TBC1D24: variants seen among roughly 807,000 people sequenced by gnomAD.
TBC1D24 encodes the protein Infantile myoclonic epilepsy.
Under a neutral mutation model 50.7 loss-of-function variants are expected in TBC1D24, and 47 were observed. That is an observed-to-expected ratio of 0.93 (90% confidence interval 0.73 to 1.18). The LOEUF (loss-of-function observed/expected upper bound fraction) is 1.18. TBC1D24 is among the 50% of genes most tolerant of loss of function. TBC1D24 has a pLI of 0.00. For missense variants in TBC1D24, 688 were observed against 766.5 expected, an observed-to-expected ratio of 0.90 and a Z score of 1.21; for synonymous variants, 324 against 335.2, an observed-to-expected ratio of 0.97 and a Z score of 0.36.
chr16:2,485,693 G>A lies in TBC1D24; in HGVS notation c.-115-10341G>A, dbSNP rs751394260. ...AGCTATCTCCAGGTAGATGTCTCCC[G>A]GTGTCGGGATTGAATTGGAGGACAC... On this transcript the variant is annotated intron_variant, in intron 1 of 7. Coordinates refer to ENST00000646147, the MANE Select transcript of TBC1D24 (RefSeq NM_001199107.2). The surrounding 1 kb of genome is among the most constrained non-coding windows in gnomAD (Gnocchi z 4.6). 1.3e-5 allele frequency among the ~76,000 whole-genome samples: 2 copies of A among 152,196 alleles called. No homozygotes were observed. Among genetic ancestry groups the A allele is most frequent in the South Asian group, 2.1e-4 (1 of 4,836 alleles).
intron 3 of TBC1D24, 78 bp from the exon 4 acceptor site, chr16:2,498,160 G>C: frequency 6.6e-7 from 1 of 1,524,544 alleles, no homozygotes; most frequent in Non-Finnish European, 8.9e-7. Flanking sequence ...TTCCAAAGAG[G>C]CTCTGGGGCA....
Position 2,487,643 on chromosome 16 carries a change from G to T in TBC1D24, c.-115-8391G>T, listed in dbSNP as rs1456805173. Among the ~76,000 whole-genome samples the T allele has an allele frequency of 6.7e-6, 1 of 149,484 alleles. No individual in the cohort carries two copies. The highest frequency in any genetic ancestry group is 1.5e-5 in the Non-Finnish European group (1 of 66,518). On this transcript the variant is annotated intron_variant, in intron 1 of 7. Coordinates refer to ENST00000646147, the MANE Select transcript of TBC1D24 (RefSeq NM_001199107.2). This position sits in a 1 kb window ranked among gnomAD's most constrained non-coding sequence, Gnocchi z 4.1. ...CTGGAGTTTGGTGTTGGAGTTTGGTGTTGGAGTTTGGTGCTGGAGTTTGGT... is the reference window on the plus strand; with the variant it reads ...CTGGAGTTTGGTGTTGGAGTTTGGTTTTGGAGTTTGGTGCTGGAGTTTGGT...
Position 2,500,071 on chromosome 16 carries a change from G to T in TBC1D24, c.1302+141G>T, listed in dbSNP as rs1438047924. On this transcript the variant is annotated intron_variant, in intron 6 of 7. Transcript: ENST00000646147. The surrounding 1 kb of genome is among the most constrained non-coding windows in gnomAD (Gnocchi z 8.0). ...GCGTCATCGCCCTGTGTGCTTCCGG[G>T]TTTGATCATTCAGCCGTGCGCTGCT... 5 of 972,936 alleles carry T rather than the reference G, an allele frequency of 5.1e-6. No individual in the cohort carries two copies. The highest frequency in any genetic ancestry group is 8.2e-6 in the Non-Finnish European group (5 of 611,298). 60.3% of individuals were successfully genotyped at this position (972,936 alleles called of 1,614,324 possible).
At chr16:2,489,581 G>A (rs2065679789) in intron 1 of TBC1D24, among the ~76,000 whole-genome samples, 1 of 152,236 alleles carries the variant, frequency 6.6e-6, no homozygotes, top group Non-Finnish European at 1.5e-5. Flanking sequence ...CTTCCCGGGT[G>A]AGAAAGAAGC....
chr16:2,490,957 A>G (rs896421426), intron 1 of TBC1D24, among the ~76,000 whole-genome samples: 7 of 152,172 alleles, frequency 4.6e-5, no homozygotes, highest in Non-Finnish European at 1.0e-4. Flanking sequence ...AGCAGCAGCC[A>G]GCCAGCAGAT....
Position 2,501,997 on chromosome 16 carries a change from A to C in TBC1D24, c.*1039A>C, listed in dbSNP as rs2065798017. 6.6e-6 allele frequency: 1 copy of C among 152,556 alleles called. No homozygotes were observed. The highest frequency in any genetic ancestry group is 1.9e-4 in the East Asian group (1 of 5,182). 9.5% of individuals were successfully genotyped at this position (152,556 alleles called of 1,614,324 possible). On this transcript the variant is annotated 3_prime_UTR_variant, in exon 8 of 8. Coordinates refer to ENST00000646147, the MANE Select transcript of TBC1D24 (RefSeq NM_001199107.2). Reference sequence around the variant, plus strand: ...GCATGCTCATCTCAGTGCAGCCCCAACTGCTTCTCTGCACCAGGCCCCGTG... The same window carrying C: ...GCATGCTCATCTCAGTGCAGCCCCACCTGCTTCTCTGCACCAGGCCCCGTG...
Position 2,487,518 on chromosome 16 carries a change from G to A in TBC1D24, c.-115-8516G>A, listed in dbSNP as rs892884559. 1.6e-4 allele frequency among the ~76,000 whole-genome samples: 25 copies of A among 152,236 alleles called. No individual in the cohort carries two copies. Among genetic ancestry groups the A allele is most frequent in the Admixed American group, 7.9e-4 (12 of 15,286 alleles). Reference sequence around the variant, plus strand: ...TGAAAGAGAGTTTGTTTTCAAATCCGGTTGTTTGGGAAAATCACATTCCCC... The same window carrying A: ...TGAAAGAGAGTTTGTTTTCAAATCCAGTTGTTTGGGAAAATCACATTCCCC... On this transcript the variant is annotated intron_variant, in intron 1 of 7. Transcript: ENST00000646147. The surrounding 1 kb of genome is among the most constrained non-coding windows in gnomAD (Gnocchi z 4.1).
rs561458345 is a variant in TBC1D24, at chr16:2,494,405, C to T, written c.-115-1629C>T. 2.3e-3 allele frequency among the ~76,000 whole-genome samples: 330 copies of T among 146,160 alleles called. 1 individual carries two copies. The highest frequency in any genetic ancestry group is 4.1e-3 in the Non-Finnish European group (276 of 67,614). ...CCAGCCCGTGCGACAGTGCAAGACTCTGTCTCAAAAAAAAAAAAAAAGGGA... is the reference window on the plus strand; with the variant it reads ...CCAGCCCGTGCGACAGTGCAAGACTTTGTCTCAAAAAAAAAAAAAAAGGGA... On this transcript the variant is annotated intron_variant, in intron 1 of 7. Transcript: ENST00000646147.
chr16:2,487,290 C>T lies in TBC1D24; in HGVS notation c.-115-8744C>T, dbSNP rs2065658272. On this transcript the variant is annotated intron_variant, in intron 1 of 7. Transcript: ENST00000646147. This position sits in a 1 kb window ranked among gnomAD's most constrained non-coding sequence, Gnocchi z 4.1. ...CAGCCTTCTCTCAAGCCGCCTCTCCCTGGCACAGAGGCGGCACCTCAGTGG... is the reference window on the plus strand; with the variant it reads ...CAGCCTTCTCTCAAGCCGCCTCTCCTTGGCACAGAGGCGGCACCTCAGTGG... Among the ~76,000 whole-genome samples, 2 of 152,350 alleles carry T rather than the reference C, an allele frequency of 1.3e-5. No individual in the cohort carries two copies. The highest frequency in any genetic ancestry group is 4.8e-5 in the African/African-American group (2 of 41,582).
chr16:2,489,916 G>A (rs145430214), intron 1 of TBC1D24, among the ~76,000 whole-genome samples: 6 of 152,218 alleles, frequency 3.9e-5, no homozygotes, highest in East Asian at 1.9e-4. Flanking sequence ...TTCCCACTGC[G>A]CTTGGAATAT....
In TBC1D24 at chr16:2,505,146, C is replaced by A. The variant is rs2065825332; in HGVS notation, c.*4188C>A. The stretch of plus-strand genomic sequence containing the variant: ...CAAGCCTCATAGGCTCTTCACCCTA[C>A]AACATCTATGTTAGGTAGAAAAGTA... On this transcript the variant is annotated 3_prime_UTR_variant, in exon 8 of 8. Coordinates refer to ENST00000646147, the MANE Select transcript of TBC1D24 (RefSeq NM_001199107.2). The A allele has an allele frequency of 6.6e-6, 1 of 152,232 alleles. No homozygotes were observed. The highest frequency in any genetic ancestry group is 1.5e-5 in the Non-Finnish European group (1 of 68,024). The allele number at this position is 152,232 out of a possible 1,614,324, so 9.4% of individuals were successfully genotyped here. A position where few individuals can be genotyped will look rare whatever the true frequency, so the allele number is the denominator to read the frequency against.
Position 2,501,268 on chromosome 16 carries a change from T to G in TBC1D24, c.*310T>G. The G allele has an allele frequency of 2.3e-6, 1 of 438,490 alleles. No individual in the cohort carries two copies. Among genetic ancestry groups the G allele is most frequent in the Non-Finnish European group, 4.2e-6 (1 of 237,254 alleles). The allele number at this position is 438,490 out of a possible 1,614,324, so 27.2% of individuals were successfully genotyped here. On this transcript the variant is annotated 3_prime_UTR_variant, in exon 8 of 8. Coordinates refer to ENST00000646147, the MANE Select transcript of TBC1D24 (RefSeq NM_001199107.2). ...CTTCCATAGCCCAAGGCCTTGGGAG[T>G]GTCTGGGTCTTGCTGCCCCTGAGCC...
intron 1 of TBC1D24, chr16:2,476,955 A>G (rs1163323165): frequency 6.6e-6 from 1 of 152,226 alleles, no homozygotes; most frequent in South Asian, 2.1e-4. Context: ...TTATCTACAG[A>G]TTGAGCCAAG....
rs1302904331 is a variant in TBC1D24, at chr16:2,500,471, C to T, written c.1506C>T (p.Gly502=). 1.9e-6 allele frequency: 3 copies of T among 1,576,266 alleles called. No homozygotes were observed. The highest frequency in any genetic ancestry group is 2.6e-6 in the Non-Finnish European group (3 of 1,161,530). ...SKTESMFMAG[G]SDCLIVGGGG... ...CCGAGTCCATGTTCATGGCGGGGGG[C>T]AGCGACTGCCTCATCGTCGGTGAGC... is the stretch of plus-strand genomic sequence containing the variant. The change falls in exon 7 of 8, where the codon GGC becomes GGT. Residue 502 remains glycine, a synonymous_variant. Coordinates refer to ENST00000646147, the MANE Select transcript of TBC1D24 (RefSeq NM_001199107.2). This position sits in a 1 kb window ranked among gnomAD's most constrained non-coding sequence, Gnocchi z 8.0.
rs563225469 is a variant in TBC1D24 at position 2,496,444 on chromosome 16, C to T, written c.296C>T (p.Thr99Met). The change falls in exon 2 of 8, where the codon ACG becomes ATG. Residue 99 changes from threonine (T) to methionine (M), a missense_variant. Transcript: ENST00000646147. ...CCGCTGCCCGAGTTCGTGGACAACA[C>T]GCAGGTGCCCAGCTACTGCCTGAAT... ...CLPLPEFVDN[T>M]QVPSYCLNAR... is the part of the protein sequence containing the mutation. The T allele has an allele frequency of 1.2e-5, 19 of 1,612,616 alleles. No homozygotes were observed. Among genetic ancestry groups the T allele is most frequent in the East Asian group, 6.7e-5 (3 of 44,890 alleles).
At chr16:2,497,142 C>T (rs1419479031) in intron 2 of TBC1D24, 29 bp downstream of exon 2, 2 of 1,598,878 alleles carry the variant, frequency 1.3e-6, no homozygotes, top group East Asian at 2.2e-5. Context: ...GTGAGGGGTA[C>T]ACCCAGGGTC....
In TBC1D24 at chr16:2,487,474, T is replaced by G. The variant is rs2065659838; in HGVS notation, c.-115-8560T>G. Among the ~76,000 whole-genome samples, 1 of 152,232 alleles carries G rather than the reference T, an allele frequency of 6.6e-6. No homozygotes were observed. Among genetic ancestry groups the G allele is most frequent in the Admixed American group, 6.5e-5 (1 of 15,290 alleles). On this transcript the variant is annotated intron_variant, in intron 1 of 7. Coordinates refer to ENST00000646147, the MANE Select transcript of TBC1D24 (RefSeq NM_001199107.2). This position sits in a 1 kb window ranked among gnomAD's most constrained non-coding sequence, Gnocchi z 4.1. The stretch of plus-strand genomic sequence containing the variant: ...AAAATGTCATCAATGAGGCTAAATG[T>G]GTGTTCTGTCTTTGTACATGAAAGA...
rs2065771486 is a variant in TBC1D24 at position 2,499,405 on chromosome 16, G to C, written c.1191G>C (p.Lys397Asn). 1 of 1,613,568 alleles carries C rather than the reference G, an allele frequency of 6.2e-7. No homozygotes were observed. The highest frequency in any genetic ancestry group is 1.1e-5 in the South Asian group (1 of 91,002). ...ATGAGCCTACCCTCTTGCTCATCAA[G>C]ACCACGCAGAAGGAGGTGAGCAGGG... ...EGHEPTLLLI[K>N]TTQKEVCGAY... The change falls in exon 5 of 8, where the codon AAG (lysine) becomes AAC (asparagine). Residue 397 changes from lysine to asparagine, a missense_variant. Transcript: ENST00000646147. This position sits in a 1 kb window ranked among gnomAD's most constrained non-coding sequence, Gnocchi z 4.0.
rs4514680 is a variant in TBC1D24, at chr16:2,487,303, G to A, written c.-115-8731G>A. On this transcript the variant is annotated intron_variant, in intron 1 of 7. Coordinates refer to ENST00000646147, the MANE Select transcript of TBC1D24 (RefSeq NM_001199107.2). This position sits in a 1 kb window ranked among gnomAD's most constrained non-coding sequence, Gnocchi z 4.1. ...AGCCGCCTCTCCCTGGCACAGAGGC[G>A]GCACCTCAGTGGAGGTCTGTCATGT... 2.6e-3 allele frequency among the ~76,000 whole-genome samples: 401 copies of A among 152,330 alleles called. 2 individuals carry two copies. Among genetic ancestry groups the A allele is most frequent in the Admixed American group, 0.014 (212 of 15,308 alleles).
Sources: gnomAD v4.1 joint callset for allele counts (sites outside exome capture counted in the v4.1 genomes callset) on GRCh38, gnomAD v4.1.1 for gene constraint, Gnocchi (gnomAD v3.1) non-coding constraint, MANE v1.5 for transcripts, NCBI Gene and HGNC (gene_info 2026-07-23, HGNC 2026-07-21) for gene names.